SH3BP2: variants seen among roughly 807,000 people sequenced by gnomAD.
SH3BP2 encodes the protein SH3 domain-binding protein 2.
In SH3BP2, 38 loss-of-function variants were observed where a neutral mutation model predicts 56.2. That is an observed-to-expected ratio of 0.68 (90% CI 0.52 to 0.89). The LOEUF is 0.89. Among genes scored for constraint, SH3BP2 ranks in the 40% least tolerant of loss-of-function variants. The pLI is 0.00. For synonymous variants in SH3BP2, 346 were observed against 316.7 expected (o/e 1.09, Z -0.98); for missense variants, 748 against 762.6 (o/e 0.98, Z 0.23).
At chr4:2,811,827 A>G (rs1723761101) in intron 1 of SH3BP2, 1 of 168,712 alleles carries the variant, frequency 5.9e-6, no homozygotes, top group Admixed American at 5.6e-5. Context: ...GGTGCAAGAC[A>G]TAACAGCCCT....
intron 1 of SH3BP2, chr4:2,809,683 G>A (rs1000379196): frequency 7.1e-5 from 40 of 561,822 alleles, no homozygotes; most frequent in Non-Finnish European, 8.6e-5. Flanking sequence ...CGTGGTGGCT[G>A]CAGACACCAC....
intron 5 of SH3BP2, among the ~76,000 whole-genome samples, chr4:2,825,587 CAG>C (rs570859786): frequency 0.012 from 1,826 of 150,434 alleles, 12 homozygotes; most frequent in Non-Finnish European, 0.018. Flanking sequence ...GAGCAACACA[CAG>C]ACATGCACAC....
intron 1 of SH3BP2, among the ~76,000 whole-genome samples, chr4:2,802,516 GTGTA>G (rs897352841): frequency 9.9e-5 from 10 of 100,988 alleles, no homozygotes; most frequent in African/African-American, 3.9e-4. Flanking sequence ...TTGTATATAT[GTGTA>G]TATATATATG....
intron 1 of SH3BP2, among the ~76,000 whole-genome samples, chr4:2,807,184 A>C (rs1723570060): frequency 6.6e-6 from 1 of 152,108 alleles, no homozygotes; most frequent in Non-Finnish European, 1.5e-5. Flanking sequence ...GGCTTGTCTC[A>C]CTGGGCAGAG....
chr4:2,809,670 C>T, intron 1 of SH3BP2: 2 of 418,460 alleles, frequency 4.8e-6, no homozygotes, highest in Non-Finnish European at 6.4e-6. Flanking sequence ...GCAGGGTCAG[C>T]TCCGTGGTGG....
At chr4:2,824,574 C>T (rs775469881) in intron 3 of SH3BP2, 39 bp from the exon 4 acceptor site, 7 of 1,490,528 alleles carry the variant, frequency 4.7e-6, no homozygotes, top group Non-Finnish European at 6.5e-6. Context: ...ATCCCTATAG[C>T]TGTGAACCAG....
In SH3BP2 at chr4:2,800,784, T is replaced by G. The variant is rs569479681; in HGVS notation, c.-5+7646T>G. 2.0e-5 allele frequency among the ~76,000 whole-genome samples: 3 copies of G among 152,004 alleles called. No individual in the cohort carries two copies. In the South Asian group the frequency reaches 6.2e-4, roughly 32 times the overall value. On this transcript the variant is annotated intron_variant, in intron 1 of 12. Coordinates refer to ENST00000503393, the MANE Select transcript of SH3BP2 (RefSeq NM_001122681.2). ...CATCCCCAGGGAGCAGTAAGGGCAT[T>G]GGGGGTGTCTTGGGGTGACCTGGCC...
intron 1 of SH3BP2, among the ~76,000 whole-genome samples, chr4:2,804,010 C>T (rs73794804): frequency 0.068 from 10,374 of 152,106 alleles, 495 homozygotes; most frequent in African/African-American, 0.12. Flanking sequence ...GACTTCAGGC[C>T]GAGTGGAGTG....
chr4:2,821,059 A>T (rs961599114), intron 2 of SH3BP2, among the ~76,000 whole-genome samples: 5 of 152,120 alleles, frequency 3.3e-5, no homozygotes, highest in Admixed American at 6.5e-5. Context: ...CCCTCACTGA[A>T]TCCGTGAATG....
At chr4:2,827,803 C>T in intron 7 of SH3BP2, 129 bp downstream of exon 7, 1 of 744,622 alleles carries the variant, frequency 1.3e-6, no homozygotes, top group Non-Finnish European at 2.3e-6. Flanking sequence ...CGCTTCCCTG[C>T]TGTGTCCCAA....
At chr4:2,801,446 C>A (rs1723277905) in intron 1 of SH3BP2, among the ~76,000 whole-genome samples, 1 of 152,240 alleles carries the variant, frequency 6.6e-6, no homozygotes, top group African/African-American at 2.4e-5. Flanking sequence ...CTTTTTGCCT[C>A]TCTGTCAGCA....
chr4:2,825,478 G>A (rs9684650), intron 5 of SH3BP2, among the ~76,000 whole-genome samples: 98,295 of 138,434 alleles, frequency 0.71, 33,202 homozygotes, highest in Admixed American at 0.76. Flanking sequence ...GTGGACATGC[G>A]CACACACACA....
intron 1 of SH3BP2, among the ~76,000 whole-genome samples, chr4:2,806,599 C>T (rs1421862629): frequency 1.3e-5 from 2 of 150,904 alleles, no homozygotes; most frequent in African/African-American, 2.5e-5. Context: ...TCACTGTCTC[C>T]AGCCCCACCT....
chr4:2,837,957 A>T lies in SH3BP2; in HGVS notation c.*4123A>T, dbSNP rs2108746894. On this transcript the variant is annotated 3_prime_UTR_variant, in exon 13 of 13. Coordinates refer to ENST00000503393, the MANE Select transcript of SH3BP2 (RefSeq NM_001122681.2). ...GCCATTCTCACTGGAGGGAGATTTG[A>T]TGGGTACAGAGCAGACCCCTACCTG... 1 of 152,318 alleles carries T rather than the reference A, an allele frequency of 6.6e-6. No homozygotes were observed. Among genetic ancestry groups the T allele is most frequent in the African/African-American group, 2.4e-5 (1 of 41,538 alleles). 9.4% of individuals were successfully genotyped at this position (152,318 alleles called of 1,614,324 possible).
intron 11 of SH3BP2, among the ~76,000 whole-genome samples, 184 bp downstream of exon 11, chr4:2,832,596 T>C (rs572859589): frequency 6.6e-6 from 1 of 152,304 alleles, no homozygotes; most frequent in East Asian, 1.9e-4. Flanking sequence ...CATCTGCAAA[T>C]TGGGGGCCAT....
intron 7 of SH3BP2, among the ~76,000 whole-genome samples, chr4:2,828,434 C>T (rs1577365821): frequency 1.3e-5 from 2 of 152,092 alleles, no homozygotes; most frequent in Admixed American, 6.5e-5. Flanking sequence ...CTTCTCCTGC[C>T]GCTCCCTCCC....
chr4:2,823,815 C>T (rs1724442342), intron 3 of SH3BP2, among the ~76,000 whole-genome samples: 1 of 152,256 alleles, frequency 6.6e-6, no homozygotes, highest in African/African-American at 2.4e-5. Flanking sequence ...TTTGGAGTGA[C>T]TCTAGGCCCC....
intron 5 of SH3BP2, chr4:2,826,932 T>G: frequency 1.7e-6 from 1 of 589,594 alleles, no homozygotes; most frequent in South Asian, 1.5e-5. Flanking sequence ...TGTGTGCCTG[T>G]GTTCCTGCGT....
chr4:2,809,693 C>T, intron 1 of SH3BP2: 1 of 647,986 alleles, frequency 1.5e-6, no homozygotes, highest in Non-Finnish European at 1.9e-6. Context: ...GCAGACACCA[C>T]CCACTGTGCT....
Sources: allele counts gnomAD v4.1 joint callset (sites outside exome capture counted in the v4.1 genomes callset), GRCh38; gene constraint gnomAD v4.1.1; transcripts MANE v1.5; gene names NCBI Gene and HGNC (gene_info 2026-07-23, HGNC 2026-07-21).